Variants in PDE7A observed in about 807,000 individuals in gnomAD.
PDE7A encodes the protein high affinity 3',5'-cyclic-AMP phosphodiesterase 7A.
In PDE7A, 39 loss-of-function variants were observed where a neutral mutation model predicts 64.3. The ratio of observed to expected loss-of-function variants is 0.61; its 90% CI spans 0.47 to 0.79. The LOEUF (loss-of-function observed/expected upper bound fraction) is 0.79. PDE7A is among the 30% of genes least tolerant of loss of function. The pLI is 0.00. For missense variants in PDE7A, 470 were observed against 582.8 expected, an observed-to-expected ratio of 0.81 and a Z score of 1.99; for synonymous variants, 203 against 206.8, an observed-to-expected ratio of 0.98 and a Z score of 0.16.
rs139866507 is a variant in PDE7A at position 65,734,842 on chromosome 8, G to A, written c.648C>T (p.His216=). The change falls in exon 7 of 13, where the codon CAC becomes CAT. Residue 216 remains histidine, a synonymous_variant. Coordinates refer to ENST00000401827, the MANE Select transcript of PDE7A (RefSeq NM_001242318.3). The part of the protein sequence containing the change: ...HSQNPYHNAV[H]AADVTQAMHC... The stretch of plus-strand genomic sequence containing the variant: ...GCATGGCCTGAGTAACATCCGCAGC[G>A]TGGACTGCGTTATGGTAAGGATTTT... The A allele has an allele frequency of 3.5e-5, 56 of 1,612,138 alleles. No homozygotes were observed. Among genetic ancestry groups the A allele is most frequent in the East Asian group, 2.7e-4 (12 of 44,866 alleles).
chr8:65,803,285 A>G (rs1041170111), intron 1 of PDE7A, among the ~76,000 whole-genome samples: 2 of 152,202 alleles, frequency 1.3e-5, no homozygotes, highest in African/African-American at 4.8e-5. Context: ...CATTGCTCCC[A>G]TTTAAATGGC....
intron 1 of PDE7A, among the ~76,000 whole-genome samples, chr8:65,794,991 G>C (rs984839645): frequency 6.6e-6 from 1 of 152,138 alleles, no homozygotes; most frequent in Non-Finnish European, 1.5e-5. Flanking sequence ...CAGGCAGTGG[G>C]GAAAAGAGCC....
rs34922134 is a variant in PDE7A at position 65,744,280 on chromosome 8, T to C, written c.499+1127A>G. Among the ~76,000 whole-genome samples, 1,000 of 151,500 alleles carry C rather than the reference T, an allele frequency of 6.6e-3. 8 individuals are homozygous for C. Among genetic ancestry groups the C allele is most frequent in the Non-Finnish European group, 0.011 (726 of 67,866 alleles). On this transcript the variant is annotated intron_variant, in intron 5 of 12. Coordinates refer to ENST00000401827, the MANE Select transcript of PDE7A (RefSeq NM_001242318.3). The stretch of plus-strand genomic sequence containing the variant: ...GAAGGAACTTTTTTAAAAATGGAAA[T>C]GGAAATGAACACTTTCTTGATAAAG...
Position 65,723,596 on chromosome 8 carries a change from C to T in PDE7A, c.1188G>A (p.Leu396=). The T allele has an allele frequency of 6.4e-7, 1 of 1,574,690 alleles. No individual in the cohort carries two copies. Among genetic ancestry groups the T allele is most frequent in the Non-Finnish European group, 8.6e-7 (1 of 1,164,016 alleles). ...HQGDIEKKYH[L]GVSPLCDRHT... ...GACGATCGCAAAGTGGACTCACACC[C>T]AAATGATATTTTTTTTCTATATCTC... The change falls in exon 12 of 13, where the codon TTG becomes TTA. Residue 396 remains leucine (L), a synonymous_variant. Transcript: ENST00000401827.
chr8:65,810,559 TAC>T (rs1180618388), intron 1 of PDE7A, among the ~76,000 whole-genome samples: 1 of 151,190 alleles, frequency 6.6e-6, no homozygotes, highest in Non-Finnish European at 1.5e-5. Context: ...AATAGAATAA[TAC>T]ATTTTTTTTT....
chr8:65,813,031 A>AAC (rs1262556725), intron 1 of PDE7A, among the ~76,000 whole-genome samples: 1 of 152,242 alleles, frequency 6.6e-6, no homozygotes, highest in Non-Finnish European at 1.5e-5. Flanking sequence ...AGATTTGGAT[A>AAC]ACACCATATC....
chr8:65,740,919 A>G (rs1396023362), intron 5 of PDE7A, among the ~76,000 whole-genome samples: 1 of 152,096 alleles, frequency 6.6e-6, no homozygotes, highest in Non-Finnish European at 1.5e-5. Context: ...CACCTGCTCC[A>G]TCCCCCTACA....
chr8:65,720,885 G>A (rs1806348095), intron 12 of PDE7A, among the ~76,000 whole-genome samples: 1 of 152,178 alleles, frequency 6.6e-6, no homozygotes, highest in South Asian at 2.1e-4. Context: ...GTGCCATAAA[G>A]TCATAAGCCA....
intron 7 of PDE7A, among the ~76,000 whole-genome samples, chr8:65,734,224 A>AC (rs1369534137): frequency 6.6e-6 from 1 of 152,040 alleles, no homozygotes; most frequent in Non-Finnish European, 1.5e-5. Flanking sequence ...AACTGCCCAA[A>AC]CCAGTCTTCA....
At chr8:65,824,817 T>C (rs1267615957) in intron 1 of PDE7A, among the ~76,000 whole-genome samples, 1 of 152,226 alleles carries the variant, frequency 6.6e-6, no homozygotes, top group Non-Finnish European at 1.5e-5. Context: ...ATAACTTTTA[T>C]ATGCATGGGG....
At chr8:65,799,266 C>T (rs11783534) in intron 1 of PDE7A, among the ~76,000 whole-genome samples, 17,685 of 152,116 alleles carry the variant, frequency 0.12, 1,054 homozygotes, top group Middle Eastern at 0.14. Flanking sequence ...AAATCCACCC[C>T]ACCCCCAACC....
chr8:65,752,856 T>C (rs1480975344), intron 3 of PDE7A, among the ~76,000 whole-genome samples: 2 of 152,346 alleles, frequency 1.3e-5, no homozygotes, highest in African/African-American at 4.8e-5. Flanking sequence ...TTTGCTTTTC[T>C]CATTTCTATC....
chr8:65,774,451 T>C (rs186495530), intron 3 of PDE7A, among the ~76,000 whole-genome samples: 51 of 152,248 alleles, frequency 3.3e-4, no homozygotes, highest in African/African-American at 1.2e-3. Flanking sequence ...TAAAATTCTC[T>C]GGCCCTCAGG....
At chr8:65,780,746 C>T (rs1441157025) in intron 2 of PDE7A, 2 of 152,246 alleles carry the variant, frequency 1.3e-5, no homozygotes, top group African/African-American at 4.8e-5. Flanking sequence ...ACTGTTCTCA[C>T]TACACTTTTA....
intron 3 of PDE7A, among the ~76,000 whole-genome samples, chr8:65,770,561 T>C (rs1203987808): frequency 6.6e-6 from 1 of 152,148 alleles, no homozygotes; most frequent in Non-Finnish European, 1.5e-5. Flanking sequence ...CAAGATGAGA[T>C]TTGGGAGGGG....
intron 3 of PDE7A, among the ~76,000 whole-genome samples, chr8:65,748,561 G>A (rs1013635096): frequency 8.5e-5 from 13 of 152,108 alleles, no homozygotes; most frequent in South Asian, 8.3e-4. Context: ...GGGAACATAC[G>A]TTATCTTTAG....
chr8:65,756,176 C>G (rs1056254419), intron 3 of PDE7A, among the ~76,000 whole-genome samples: 5 of 152,184 alleles, frequency 3.3e-5, no homozygotes, highest in African/African-American at 4.8e-5. Flanking sequence ...TTGCTTCTCT[C>G]TTGCTGATTT....
chr8:65,795,877 T>C (rs879667614), intron 1 of PDE7A, among the ~76,000 whole-genome samples: 6 of 151,904 alleles, frequency 3.9e-5, no homozygotes, highest in Admixed American at 2.6e-4. Flanking sequence ...GATAATAGAA[T>C]TGGTAGACAA....
At chr8:65,752,923 T>TC (rs1808036914) in intron 3 of PDE7A, among the ~76,000 whole-genome samples, 1 of 152,184 alleles carries the variant, frequency 6.6e-6, no homozygotes, top group African/African-American at 2.4e-5. Context: ...TCCAAATCTG[T>TC]CTTCCTTTCC....
Sources: gnomAD v4.1 joint callset for allele counts (sites outside exome capture counted in the v4.1 genomes callset) on GRCh38, gnomAD v4.1.1 for gene constraint, MANE v1.5 for transcripts, NCBI Gene and HGNC (gene_info 2026-07-23, HGNC 2026-07-21) for gene names.